Variants in ALMS1 observed in about 807,000 individuals in gnomAD.
ALMS1 encodes ALMS1 centrosome and basal body associated protein.
A neutral mutation model predicts 352.2 loss-of-function variants in ALMS1; 271 were observed. The observed-to-expected ratio is 0.77, with a 90% confidence interval of 0.70 to 0.85. The LOEUF is 0.85. Ranked by LOEUF, ALMS1 falls within the 40% of genes least tolerant of loss-of-function variation. ALMS1 has a pLI of 0.00. For missense variants in ALMS1, 5,445 were observed against 4,870.7 expected, an observed-to-expected ratio of 1.12 and a Z score of -3.51; for synonymous variants, 1,865 against 1,761.2, an observed-to-expected ratio of 1.06 and a Z score of -1.48.
intron 6 of ALMS1, among the ~76,000 whole-genome samples, chr2:73,430,813 C>G (rs1242271674): frequency 6.6e-6 from 1 of 152,080 alleles, no homozygotes; most frequent in East Asian, 1.9e-4. Flanking sequence ...GTTTGCACAA[C>G]AACAAAATTG....
intron 15 of ALMS1, among the ~76,000 whole-genome samples, chr2:73,569,029 T>TTTTTTTTTTTTTTTTG (rs1674865514): frequency 8.8e-6 from 1 of 113,270 alleles, no homozygotes; most frequent in African/African-American, 3.8e-5. Flanking sequence ...TTTTTTTTTT[T>TTTTTTTTTTTTTTTTG]TTTGAGATGA....
intron 10 of ALMS1, among the ~76,000 whole-genome samples, chr2:73,506,776 T>A (rs960779962): frequency 9.2e-5 from 14 of 152,314 alleles, no homozygotes; most frequent in Admixed American, 7.8e-4. Flanking sequence ...TTTATTTCTT[T>A]CCCTTGCCCG....
chr2:73,512,406 A>T (rs1413795889), intron 10 of ALMS1, among the ~76,000 whole-genome samples: 10 of 148,620 alleles, frequency 6.7e-5, no homozygotes, highest in African/African-American at 2.2e-4. Context: ...TTTTTTTTTT[A>T]ATTTAGCCTT....
chr2:73,551,730 C>G (rs1288958886), intron 13 of ALMS1, among the ~76,000 whole-genome samples: 2 of 152,158 alleles, frequency 1.3e-5, no homozygotes, highest in Non-Finnish European at 2.9e-5. Flanking sequence ...GCCACCGTGT[C>G]TGGCCCCCAC....
intron 2 of ALMS1, among the ~76,000 whole-genome samples, chr2:73,417,044 G>A (rs1671193734): frequency 6.6e-6 from 1 of 152,162 alleles, no homozygotes; most frequent in African/African-American, 2.4e-5. Flanking sequence ...AGTGAGCTGA[G>A]ATTGTGCCAC....
intron 10 of ALMS1, among the ~76,000 whole-genome samples, chr2:73,495,031 C>G (rs1673074270): frequency 6.6e-6 from 1 of 151,922 alleles, no homozygotes; most frequent in Non-Finnish European, 1.5e-5. Flanking sequence ...TTTATTCCGC[C>G]CTAGGTTATT....
chr2:73,433,508 T>C (rs1671551308), intron 7 of ALMS1, among the ~76,000 whole-genome samples: 1 of 152,162 alleles, frequency 6.6e-6, no homozygotes, highest in Non-Finnish European at 1.5e-5. Flanking sequence ...ATTGAATAAG[T>C]AGATTTAAAT....
In ALMS1 at chr2:73,489,986, T is replaced by C. The variant is rs1418690227; in HGVS notation, c.8027T>C (p.Met2676Thr). Residue 2676 changes from methionine to threonine, a missense_variant, in exon 10 of 23, where the codon ATG becomes ACG. Transcript: ENST00000613296. ...CTTCGAATGCCATTCGATGAAAAGATGGACCCTTGGCTGTCAGAATTAGTA... is the reference window on the plus strand; with the variant it reads ...CTTCGAATGCCATTCGATGAAAAGACGGACCCTTGGCTGTCAGAATTAGTA... The part of the protein sequence containing the change: ...KGLRMPFDEK[M>T]DPWLSELVEP... 4 of 1,614,250 alleles carry C rather than the reference T, an allele frequency of 2.5e-6. No homozygotes were observed. The highest frequency in any genetic ancestry group is 2.5e-6 in the Non-Finnish European group (3 of 1,180,042).
intron 9 of ALMS1, chr2:73,457,870 TAA>T (rs1256388584): frequency 6.6e-6 from 1 of 151,360 alleles, no homozygotes; most frequent in Admixed American, 6.6e-5. Flanking sequence ...CCGTCTCTAC[TAA>T]AAATACAAAA....
At chr2:73,518,149 G>C (rs1003830682) in intron 10 of ALMS1, among the ~76,000 whole-genome samples, 5 of 149,572 alleles carry the variant, frequency 3.3e-5, no homozygotes, top group Non-Finnish European at 5.9e-5. Context: ...CCCAGTGTCT[G>C]TTGTTCCCCT....
intron 19 of ALMS1, 62 bp downstream of exon 19, chr2:73,601,498 G>T: frequency 1.3e-6 from 2 of 1,585,588 alleles, no homozygotes; most frequent in Middle Eastern, 3.3e-4. Flanking sequence ...AAGGCGCAGA[G>T]AAGCTGGCTC....
At chr2:73,461,864 GATGAA>G (rs1672210980) in intron 9 of ALMS1, among the ~76,000 whole-genome samples, 1 of 152,230 alleles carries the variant, frequency 6.6e-6, no homozygotes, top group South Asian at 2.1e-4. Flanking sequence ...AGTGATGGAA[GATGAA>G]ATGAATGAAA....
intron 11 of ALMS1, among the ~76,000 whole-genome samples, 175 bp downstream of exon 11, chr2:73,520,191 A>G (rs1183123214): frequency 6.6e-6 from 1 of 152,188 alleles, no homozygotes; most frequent in Non-Finnish European, 1.5e-5. Context: ...ATGATTTATT[A>G]TATTTTATCT....
At chr2:73,457,254 CAG>C (rs1672087082) in intron 9 of ALMS1, 1 of 152,088 alleles carries the variant, frequency 6.6e-6, no homozygotes, top group Admixed American at 6.5e-5. Flanking sequence ...ATTTTTGAGA[CAG>C]AGTCTCACTT....
chr2:73,427,736 G>A (rs1172984521), intron 6 of ALMS1, among the ~76,000 whole-genome samples: 3 of 151,998 alleles, frequency 2.0e-5, no homozygotes, highest in East Asian at 3.9e-4. Context: ...GGATCCCTTG[G>A]CATTAATGTT....
chr2:73,608,199 C>A (rs1313785687), intron 21 of ALMS1, among the ~76,000 whole-genome samples: 4 of 152,216 alleles, frequency 2.6e-5, no homozygotes, highest in Non-Finnish European at 5.9e-5. Context: ...AGCTCTCCTT[C>A]ATTTATCTCA....
At chr2:73,589,025 G>A (rs1212212749) in intron 16 of ALMS1, among the ~76,000 whole-genome samples, 4 of 151,768 alleles carry the variant, frequency 2.6e-5, no homozygotes, top group African/African-American at 4.8e-5. Flanking sequence ...ATATATATAC[G>A]TATACATATC....
At chr2:73,465,778 A>T (rs1356159909) in intron 9 of ALMS1, among the ~76,000 whole-genome samples, 2 of 152,214 alleles carry the variant, frequency 1.3e-5, no homozygotes, top group South Asian at 2.1e-4. Context: ...CAATGAACTC[A>T]AACAAATTTA....
Position 73,490,658 on chromosome 2 carries a change from T to C in ALMS1, c.8699T>C (p.Val2900Ala), listed in dbSNP as rs1672960979. The change falls in exon 10 of 23, where the codon GTG (valine) becomes GCG (alanine). Residue 2900 changes from valine (V) to alanine (A), a missense_variant. Transcript: ENST00000613296. ...QSKAPRADDH[V>A]RKHHSPSPQH... is the part of the protein sequence containing the mutation. ...AAAGCCCCACGTGCAGATGACCATG[T>C]GAGGAAACACCATTCTCCCTCTCCT... The C allele has an allele frequency of 3.1e-6, 5 of 1,614,172 alleles. No individual in the cohort carries two copies. In the Admixed American group the frequency reaches 6.7e-5, roughly 22 times the overall value.
Sources: gnomAD v4.1 joint callset for allele counts (sites outside exome capture counted in the v4.1 genomes callset) on GRCh38, gnomAD v4.1.1 for gene constraint, MANE v1.5 for transcripts, NCBI Gene and HGNC (gene_info 2026-07-23, HGNC 2026-07-21) for gene names.